Variants in CCSER1 observed in about 807,000 individuals in gnomAD.
The protein encoded by CCSER1 is coiled-coil serine rich protein 1, also known as serine-rich coiled-coil domain-containing protein 1.
In CCSER1, 41 loss-of-function variants were observed where a neutral mutation model predicts 82.0. The ratio of observed to expected loss-of-function variants is 0.50; its 90% CI spans 0.39 to 0.65. The LOEUF is 0.65. Among genes scored for constraint, CCSER1 ranks in the 30% least tolerant of loss-of-function variants. CCSER1 has a pLI of 0.00. For missense variants in CCSER1, 1,119 were observed against 1,064.2 expected (o/e 1.05, Z -0.72); for synonymous variants, 414 against 383.9 (o/e 1.08, Z -0.92).
chr4:91,133,625 T>G (rs940568198), intron 10 of CCSER1, among the ~76,000 whole-genome samples: 1 of 152,150 alleles, frequency 6.6e-6, no homozygotes, highest in African/African-American at 2.4e-5. Flanking sequence ...AACACATATA[T>G]TTCCTAACCA....
intron 8 of CCSER1, among the ~76,000 whole-genome samples, chr4:90,861,746 C>T (rs1765108936): frequency 6.6e-6 from 1 of 151,502 alleles, no homozygotes; most frequent in African/African-American, 2.4e-5. Context: ...TTTGTGAATA[C>T]TATGTCTCAT....
intron 10 of CCSER1, among the ~76,000 whole-genome samples, chr4:91,402,562 A>C (rs942937301): frequency 1.2e-4 from 19 of 152,060 alleles, no homozygotes; most frequent in Non-Finnish European, 2.5e-4. Context: ...ATCTTGAGTT[A>C]ATTTTTGTAT....
intron 10 of CCSER1, among the ~76,000 whole-genome samples, chr4:91,228,762 T>A (rs1042784517): frequency 2.0e-5 from 3 of 152,064 alleles, no homozygotes; most frequent in Non-Finnish European, 4.4e-5. Flanking sequence ...AGAAAAAATA[T>A]TTACAAATAT....
chr4:90,901,637 T>A (rs1175225946), intron 8 of CCSER1, among the ~76,000 whole-genome samples: 1 of 152,060 alleles, frequency 6.6e-6, no homozygotes, highest in East Asian at 1.9e-4. Context: ...ATAAGGTTTT[T>A]GTTGAGAAGT....
intron 5 of CCSER1, among the ~76,000 whole-genome samples, chr4:90,559,246 T>C (rs1460907549): frequency 1.3e-5 from 2 of 152,226 alleles, no homozygotes; most frequent in African/African-American, 4.8e-5. Context: ...CTCCCTACTT[T>C]TTTTATAGGT....
At chr4:90,657,612 A>C (rs1235244829) in intron 6 of CCSER1, among the ~76,000 whole-genome samples, 1 of 152,054 alleles carries the variant, frequency 6.6e-6, no homozygotes, top group African/African-American at 2.4e-5. Flanking sequence ...TCTGACCTTC[A>C]TTATGCTTCA....
chr4:91,567,769 A>G, intron 10 of CCSER1, among the ~76,000 whole-genome samples: 1 of 151,906 alleles, frequency 6.6e-6, no homozygotes, highest in East Asian at 1.9e-4. Flanking sequence ...ATTACATGTG[A>G]GATGGGACTC....
At chr4:90,484,828 C>A (rs866418852) in intron 5 of CCSER1, among the ~76,000 whole-genome samples, 1 of 152,188 alleles carries the variant, frequency 6.6e-6, no homozygotes, top group African/African-American at 2.4e-5. Flanking sequence ...GGGTTAGGGA[C>A]CCTCTTGAGG....
At chr4:90,732,727 A>C (rs1426259815) in intron 7 of CCSER1, among the ~76,000 whole-genome samples, 1 of 152,050 alleles carries the variant, frequency 6.6e-6, no homozygotes, top group Non-Finnish European at 1.5e-5. Flanking sequence ...TTTGTTCTCT[A>C]TCTCCATCAG....
intron 6 of CCSER1, among the ~76,000 whole-genome samples, chr4:90,633,648 A>T (rs1434178636): frequency 6.6e-6 from 1 of 152,006 alleles, no homozygotes; most frequent in Non-Finnish European, 1.5e-5. Flanking sequence ...AAGGATAACT[A>T]TAAATCATTA....
intron 1 of CCSER1, among the ~76,000 whole-genome samples, chr4:90,130,411 A>C (rs971357431): frequency 6.6e-6 from 1 of 152,206 alleles, no homozygotes; most frequent in African/African-American, 2.4e-5. Flanking sequence ...GGTGGGTAAG[A>C]CTTGCTTGAT....
chr4:90,347,330 T>TATCTATC (rs1405784129), intron 3 of CCSER1, among the ~76,000 whole-genome samples: 1 of 151,970 alleles, frequency 6.6e-6, no homozygotes, highest in Non-Finnish European at 1.5e-5. Context: ...TCTATCTATC[T>TATCTATC]ATCTATCTAT....
intron 10 of CCSER1, among the ~76,000 whole-genome samples, chr4:91,099,006 G>T (rs1724792538): frequency 6.6e-6 from 1 of 152,120 alleles, no homozygotes; most frequent in Non-Finnish European, 1.5e-5. Flanking sequence ...GAAATTATAG[G>T]AGATAACTAT....
Position 91,399,881 on chromosome 4 carries a change from C to T in CCSER1, c.2218-198691C>T, listed in dbSNP as rs57549184. Among the ~76,000 whole-genome samples the T allele has an allele frequency of 7.3e-3, 1,113 of 151,976 alleles. 21 individuals are homozygous for T. The highest frequency in any genetic ancestry group is 0.026 in the African/African-American group (1,065 of 41,504). On this transcript the variant is annotated intron_variant, in intron 10 of 10. Coordinates refer to ENST00000509176, the MANE Select transcript of CCSER1 (RefSeq NM_001145065.2). ...GTGATTCATTTACCTTTCCTCTGAACGTTTTCTGTTCTAAAGTATGTTTTC... is the reference window on the plus strand; with the variant it reads ...GTGATTCATTTACCTTTCCTCTGAATGTTTTCTGTTCTAAAGTATGTTTTC...
chr4:90,866,292 G>GC (rs1351140100), intron 8 of CCSER1, among the ~76,000 whole-genome samples: 2 of 151,942 alleles, frequency 1.3e-5, no homozygotes, highest in Admixed American at 1.3e-4. Context: ...GGAAATATTT[G>GC]AGCATGTTAT....
intron 6 of CCSER1, chr4:90,663,725 A>G (rs1731220261): frequency 6.3e-6 from 1 of 158,842 alleles, no homozygotes; most frequent in Non-Finnish European, 1.4e-5. Context: ...CAAATCTAAA[A>G]CATATGTTTG....
chr4:90,486,469 A>G (rs1767072838), intron 5 of CCSER1, among the ~76,000 whole-genome samples: 1 of 152,204 alleles, frequency 6.6e-6, no homozygotes, highest in Non-Finnish European at 1.5e-5. Flanking sequence ...TGTGGCAAGT[A>G]GTGGTGGTTG....
chr4:90,399,415 A>G (rs1331549943), intron 3 of CCSER1, among the ~76,000 whole-genome samples: 2 of 152,128 alleles, frequency 1.3e-5, no homozygotes, highest in Non-Finnish European at 2.9e-5. Context: ...CTGATGTAAA[A>G]CAAATAATTG....
intron 10 of CCSER1, among the ~76,000 whole-genome samples, chr4:91,136,958 T>C (rs879081190): frequency 3.9e-5 from 6 of 152,128 alleles, no homozygotes; most frequent in Non-Finnish European, 1.5e-5. Context: ...AACCCTAACT[T>C]AATAGGGAAT....
Sources: gnomAD v4.1 joint callset for allele counts (sites outside exome capture counted in the v4.1 genomes callset) on GRCh38, gnomAD v4.1.1 for gene constraint, MANE v1.5 for transcripts, NCBI Gene and HGNC (gene_info 2026-07-23, HGNC 2026-07-21) for gene names.